Variants in DBI observed in about 807,000 individuals in gnomAD.
DBI encodes acyl-CoA-binding protein.
In DBI, 12 loss-of-function variants were observed where a neutral mutation model predicts 13.0. The ratio of observed to expected loss-of-function variants is 0.92; its 90% CI spans 0.59 to 1.49. DBI has a LOEUF of 1.49. Ranked by LOEUF, DBI falls within the 40% of genes most tolerant of loss-of-function variation. The pLI, the probability that DBI is intolerant of heterozygous loss-of-function variation, is 0.00. For missense variants in DBI, 95 were observed against 104.8 expected (o/e 0.91, Z 0.41); for synonymous variants, 37 against 37.4 (o/e 0.99, Z 0.04).
intron 1 of DBI, 123 bp from the exon 2 acceptor site, chr2:119,368,065 C>T (rs1681199978): frequency 1.3e-6 from 2 of 1,503,590 alleles, no homozygotes; most frequent in Non-Finnish European, 1.9e-6. Context: ...CTGCATTGCC[C>T]GAAGGGTGCC....
rs370789254 is a variant in DBI, at chr2:119,367,960, T to C, written c.10-228T>C. ...AGAGCTCTGGATATATGGTTTTCGA[T>C]TGAATGAGTGAACTGGAGGGGCTTC... is the stretch of plus-strand genomic sequence containing the variant. On this transcript the variant is annotated intron_variant, in intron 1 of 3. Transcript: ENST00000355857. 1.0e-4 allele frequency: 167 copies of C among 1,614,046 alleles called. 2 individuals carry two copies. In the East Asian group the frequency reaches 1.6e-3, roughly 16 times the overall value.
intron 2 of DBI, chr2:119,370,480 T>G (rs919458568): frequency 6.2e-5 from 19 of 308,598 alleles, no homozygotes; most frequent in African/African-American, 3.6e-4. Context: ...AAAAGAGAAA[T>G]TTTGGAGTCA....
At chr2:119,367,463 G>A (rs778996403) in intron 1 of DBI, 29 of 1,584,660 alleles carry the variant, frequency 1.8e-5, no homozygotes, top group South Asian at 5.7e-5. Flanking sequence ...AGAGCTTGGA[G>A]GTCAGGGGAA....
intron 1 of DBI, 101 bp from the exon 2 acceptor site, chr2:119,368,087 C>T (rs550295012): frequency 2.0e-6 from 3 of 1,480,270 alleles, no homozygotes; most frequent in Non-Finnish European, 2.8e-6. Flanking sequence ...CCTTTCCCAC[C>T]TCTCCATCCC....
chr2:119,370,756 G>A lies in DBI; in HGVS notation c.144G>A (p.Leu48=), dbSNP rs148808634. ...GDINTERPGM[L]DFTGKAKWDA... is the part of the protein sequence containing the mutation. Reference sequence around the variant, plus strand: ...TTGTTTAAGAACGGCCCGGGATGTTGGACTTCACGGGCAAGGCCAAGTGGG... The same window carrying A: ...TTGTTTAAGAACGGCCCGGGATGTTAGACTTCACGGGCAAGGCCAAGTGGG... The change falls in exon 3 of 4, where the codon TTG becomes TTA. Residue 48 remains leucine, a synonymous_variant. Transcript: ENST00000355857. 3,097 of 1,613,920 alleles carry A rather than the reference G, an allele frequency of 1.9e-3. 6 individuals are homozygous for A. Among genetic ancestry groups the A allele is most frequent in the Non-Finnish European group, 2.4e-3 (2,775 of 1,179,856 alleles).
intron 2 of DBI, 94 bp from the exon 3 acceptor site, chr2:119,370,646 G>T: frequency 7.0e-6 from 8 of 1,144,822 alleles, no homozygotes; most frequent in Non-Finnish European, 1.0e-5. Flanking sequence ...GAAGGAACAG[G>T]TGTAATAGAA....
chr2:119,370,838 C>T, intron 3 of DBI, 36 bp downstream of exon 3: 2 of 1,575,424 alleles, frequency 1.3e-6, no homozygotes, highest in Non-Finnish European at 1.7e-6. Context: ...ATTTGTGAAA[C>T]CCAGTAGTGA....
chr2:119,368,743 G>T (rs984065600), intron 2 of DBI: 3 of 169,808 alleles, frequency 1.8e-5, no homozygotes, highest in Non-Finnish European at 3.9e-5. Context: ...CTAGGTCAGA[G>T]CATTTCGCTA....
intron 2 of DBI, chr2:119,368,523 G>T (rs1573719885): frequency 1.9e-6 from 1 of 525,292 alleles, no homozygotes; most frequent in East Asian, 3.3e-5. Context: ...GTCTTTACTG[G>T]TTATCACCAG....
intron 1 of DBI, 177 bp from the exon 2 acceptor site, chr2:119,368,011 T>C: frequency 2.5e-6 from 4 of 1,601,648 alleles, no homozygotes; most frequent in Middle Eastern, 1.7e-4. Context: ...TGAATCTTTC[T>C]AGCTGCCCTG....
In DBI at chr2:119,370,765, G is replaced by A. The variant is rs536554408; in HGVS notation, c.153G>A (p.Thr51=). ...NTERPGMLDF[T]GKAKWDAWNE... The stretch of plus-strand genomic sequence containing the variant: ...AACGGCCCGGGATGTTGGACTTCAC[G>A]GGCAAGGCCAAGTGGGATGCCTGGA... The change falls in exon 3 of 4, where the codon ACG becomes ACA. Residue 51 remains threonine (T), a synonymous_variant. Coordinates refer to ENST00000355857, the MANE Select transcript of DBI (RefSeq NM_001079862.4). The A allele has an allele frequency of 2.5e-5, 41 of 1,613,890 alleles. No individual in the cohort carries two copies. The highest frequency in any genetic ancestry group is 1.6e-4 in the Middle Eastern group (1 of 6,082).
At chr2:119,371,506 G>C (rs1681514833) in intron 3 of DBI, among the ~76,000 whole-genome samples, 1 of 152,158 alleles carries the variant, frequency 6.6e-6, no homozygotes, top group East Asian at 1.9e-4. Context: ...AACTGGGAAG[G>C]GAATGCCCAT....
intron 2 of DBI, among the ~76,000 whole-genome samples, chr2:119,369,968 G>A (rs879582416): frequency 6.6e-6 from 1 of 152,106 alleles, no homozygotes; most frequent in African/African-American, 2.4e-5. Context: ...GAGCTGTCGA[G>A]GAGTGCTATT....
At chr2:119,371,831 G>A (rs973325459) in intron 3 of DBI, among the ~76,000 whole-genome samples, 1 of 152,224 alleles carries the variant, frequency 6.6e-6, no homozygotes, top group Non-Finnish European at 1.5e-5. Flanking sequence ...AGCTCTGGAA[G>A]ATAGGAGCCC....
chr2:119,367,002 G>A lies in DBI; in HGVS notation c.-50G>A, dbSNP rs752089168. On this transcript the variant is annotated 5_prime_UTR_variant, in exon 1 of 4. Coordinates refer to ENST00000355857, the MANE Select transcript of DBI (RefSeq NM_001079862.4). ...AGTGCAATCTGGGCGATCGCTTCCTGGTCCTCGCCTCCTCCGCTGTCTCCC... is the reference window on the plus strand; with the variant it reads ...AGTGCAATCTGGGCGATCGCTTCCTAGTCCTCGCCTCCTCCGCTGTCTCCC... 3.0e-5 allele frequency: 49 copies of A among 1,612,644 alleles called. No individual in the cohort carries two copies. The highest frequency in any genetic ancestry group is 4.2e-5 in the Non-Finnish European group (49 of 1,178,970).
intron 1 of DBI, 142 bp from the exon 2 acceptor site, chr2:119,368,046 C>T: frequency 6.5e-7 from 1 of 1,534,350 alleles, no homozygotes; most frequent in Non-Finnish European, 9.0e-7. Context: ...GGCAGACACA[C>T]TTCAGGGGCT....
chr2:119,367,530 T>A, intron 1 of DBI: 1 of 1,604,758 alleles, frequency 6.2e-7, no homozygotes. Context: ...CGGGGAGAGG[T>A]GACCCAGGGG....
At chr2:119,367,649 G>T (rs1300218269) in intron 1 of DBI, 1 of 1,613,970 alleles carries the variant, frequency 6.2e-7, no homozygotes, top group Non-Finnish European at 8.5e-7. Flanking sequence ...ACAGAGGTCG[G>T]TGTTGAACGC....
At chr2:119,368,919 A>G (rs1489548126) in intron 2 of DBI, 2 of 154,232 alleles carry the variant, frequency 1.3e-5, no homozygotes, top group African/African-American at 4.8e-5. Flanking sequence ...TACTGAGGCA[A>G]CAGCGCAGTG....
Sources: gnomAD v4.1 joint callset for allele counts (sites outside exome capture counted in the v4.1 genomes callset) on GRCh38, gnomAD v4.1.1 for gene constraint, MANE v1.5 for transcripts, NCBI Gene and HGNC (gene_info 2026-07-23, HGNC 2026-07-21) for gene names.